FBXO6: variants seen among roughly 807,000 people sequenced by gnomAD.
The protein encoded by FBXO6 is F-box protein 6.
FBXO6 carries 13 observed loss-of-function variants against 25.0 expected under a neutral mutation model. The observed-to-expected ratio is 0.52, with a 90% confidence interval of 0.34 to 0.83. FBXO6 has a LOEUF of 0.83. Among genes scored for constraint, FBXO6 ranks in the 40% least tolerant of loss-of-function variants. FBXO6 has a pLI of 0.02. For synonymous variants in FBXO6, 138 were observed against 155.3 expected, an observed-to-expected ratio of 0.89 and a Z score of 0.83; for missense variants, 370 against 380.2, an observed-to-expected ratio of 0.97 and a Z score of 0.22.
At position 11,673,184 on chromosome 1, in the gene FBXO6, A is replaced by G; in HGVS notation, c.510-93A>G. 6.9e-7 allele frequency: 1 copy of G among 1,444,468 alleles called. No individual in the cohort carries two copies. The highest frequency in any genetic ancestry group is 9.2e-7 in the Non-Finnish European group (1 of 1,083,712). The allele number at this position is 1,444,468 out of a possible 1,614,324, so 89.5% of individuals were successfully genotyped here. ...AGCAGTGTCAGCTGATGGGAGATGA[A>G]GCTCCGAGCTCCAATGTATAGGTCC... On this transcript the variant is annotated intron_variant, in intron 4 of 5. Transcript: ENST00000376753. The surrounding 1 kb of genome is among the most constrained non-coding windows in gnomAD (Gnocchi z 4.3).
intron 1 of FBXO6, among the ~76,000 whole-genome samples, chr1:11,666,040 T>C (rs1272329144): frequency 2.1e-5 from 1 of 47,070 alleles, no homozygotes. Flanking sequence ...CTTTTCTCTT[T>C]TTTTTTTTTT....
Position 11,673,987 on chromosome 1 carries a change from C to A in FBXO6, c.*136C>A. 1 of 737,346 alleles carries A rather than the reference C, an allele frequency of 1.4e-6. No homozygotes were observed. The highest frequency in any genetic ancestry group is 2.3e-6 in the Non-Finnish European group (1 of 427,856). The allele number at this position is 737,346 out of a possible 1,614,324, so 45.7% of individuals were successfully genotyped here. A position where few individuals can be genotyped will look rare whatever the true frequency, so the allele number is the denominator to read the frequency against. On this transcript the variant is annotated 3_prime_UTR_variant, in exon 6 of 6. Coordinates refer to ENST00000376753, the MANE Select transcript of FBXO6 (RefSeq NM_018438.6). This position sits in a 1 kb window ranked among gnomAD's most constrained non-coding sequence, Gnocchi z 4.3. ...ACCAGCTTGTGGTAACTTACTGTCACATAGCTCTGACGTTTTGTTGTAATA... is the reference window on the plus strand; with the variant it reads ...ACCAGCTTGTGGTAACTTACTGTCAAATAGCTCTGACGTTTTGTTGTAATA...
At chr1:11,668,625 G>A (rs376458493) in intron 1 of FBXO6, 31 bp from the exon 2 acceptor site, 1 of 1,598,296 alleles carries the variant, frequency 6.3e-7, no homozygotes, top group South Asian at 1.1e-5. Context: ...CACCTCCCTG[G>A]TCAGGCTCAT....
Position 11,668,954 on chromosome 1 carries a change from G to A in FBXO6, c.286+10G>A. ...AACCCGTGTGCTGAAGGTGGCATGG[G>A]GGCAGGGTGGAGGCTGCCACCAGGC... On this transcript the variant is annotated intron_variant, in intron 2 of 5. Coordinates refer to ENST00000376753, the MANE Select transcript of FBXO6 (RefSeq NM_018438.6). 6.8e-6 allele frequency: 11 copies of A among 1,611,520 alleles called. No homozygotes were observed. Among genetic ancestry groups the A allele is most frequent in the Non-Finnish European group, 9.3e-6 (11 of 1,177,972 alleles).
intron 1 of FBXO6, among the ~76,000 whole-genome samples, chr1:11,666,672 G>A (rs1292796715): frequency 1.3e-5 from 2 of 151,946 alleles, no homozygotes; most frequent in African/African-American, 2.4e-5. Flanking sequence ...TTGAGCCACC[G>A]CACCCGGCCT....
At chr1:11,672,154 C>A in intron 4 of FBXO6, 131 bp downstream of exon 4, 1 of 777,252 alleles carries the variant, frequency 1.3e-6, no homozygotes, top group Non-Finnish European at 2.1e-6. Flanking sequence ...GCCCCGGCCT[C>A]CGCCCCTGCT....
At chr1:11,670,596 G>A (rs553247467) in intron 2 of FBXO6, among the ~76,000 whole-genome samples, 106 of 143,946 alleles carry the variant, frequency 7.4e-4, no homozygotes, top group African/African-American at 2.5e-3. Context: ...GGATGAACAC[G>A]TTAGCCTTTT....
chr1:11,673,617 C>T lies in FBXO6; in HGVS notation c.648C>T (p.Val216=), dbSNP rs200404251. The change falls in exon 6 of 6, where the codon GTC becomes GTT. Residue 216 remains valine, a splice_region_variant and synonymous_variant. Coordinates refer to ENST00000376753, the MANE Select transcript of FBXO6 (RefSeq NM_018438.6). The surrounding 1 kb of genome is among the most constrained non-coding windows in gnomAD (Gnocchi z 4.3). ...TTCCTCTCCCTTCCTCCCAACAGGT[C>T]TCCTACACCTTCTCAGACTACCCCC... ...QQWNNATWTE[V]SYTFSDYPRG... The T allele has an allele frequency of 8.9e-5, 143 of 1,613,686 alleles. No homozygotes were observed. Among genetic ancestry groups the T allele is most frequent in the Non-Finnish European group, 1.2e-4 (137 of 1,179,698 alleles).
At chr1:11,671,454 C>A in intron 3 of FBXO6, 62 bp downstream of exon 3, 1 of 1,581,500 alleles carries the variant, frequency 6.3e-7, no homozygotes, top group South Asian at 1.1e-5. Context: ...ACACCTTTGC[C>A]AAGTCTCAGG....
intron 1 of FBXO6, among the ~76,000 whole-genome samples, chr1:11,665,801 C>T (rs1640417440): frequency 6.6e-6 from 1 of 151,754 alleles, no homozygotes; most frequent in Admixed American, 6.6e-5. Context: ...TCTTGTGATC[C>T]GCCCGCCTCG....
intron 2 of FBXO6, 84 bp downstream of exon 2, chr1:11,669,028 C>A: frequency 6.6e-7 from 1 of 1,508,126 alleles, no homozygotes; most frequent in Non-Finnish European, 9.0e-7. Context: ...CCCACACTAC[C>A]TGGAATATTC....
intron 1 of FBXO6, among the ~76,000 whole-genome samples, chr1:11,665,126 C>G (rs1640375037): frequency 6.6e-6 from 1 of 151,284 alleles, no homozygotes; most frequent in East Asian, 1.9e-4. Context: ...CTCACTGCAG[C>G]CTCGACTTCC....
At chr1:11,669,782 G>T (rs954110022) in intron 2 of FBXO6, among the ~76,000 whole-genome samples, 1 of 147,620 alleles carries the variant, frequency 6.8e-6, no homozygotes, top group African/African-American at 2.5e-5. Flanking sequence ...GATTACAGGC[G>T]CCCACCACCA....
intron 1 of FBXO6, among the ~76,000 whole-genome samples, chr1:11,666,519 T>A (rs1190410085): frequency 6.6e-6 from 1 of 151,890 alleles, no homozygotes; most frequent in Non-Finnish European, 1.5e-5. Context: ...GTAGCTGAGA[T>A]TACAGGTGCA....
intron 4 of FBXO6, among the ~76,000 whole-genome samples, chr1:11,672,785 G>A (rs1372660819): frequency 1.3e-5 from 2 of 152,240 alleles, no homozygotes; most frequent in Non-Finnish European, 2.9e-5. Context: ...CAGGACCCCA[G>A]TTCTAGGCAG....
chr1:11,672,108 T>G lies in FBXO6; in HGVS notation c.509+85T>G, dbSNP rs1044121119. 3.3e-6 allele frequency: 4 copies of G among 1,225,006 alleles called. No individual in the cohort carries two copies. In the East Asian group the frequency reaches 9.7e-5, roughly 30 times the overall value. 75.9% of individuals were successfully genotyped at this position (1,225,006 alleles called of 1,614,324 possible). ...TGTACGTGAGACAACCCATAGCAAG[T>G]GCCCACTCTGCACAGCAGTGCCCTG... On this transcript the variant is annotated intron_variant, in intron 4 of 5. Coordinates refer to ENST00000376753, the MANE Select transcript of FBXO6 (RefSeq NM_018438.6).
In FBXO6 at chr1:11,673,215, G is replaced by A. The variant is rs1328573395; in HGVS notation, c.510-62G>A. 1.3e-6 allele frequency: 2 copies of A among 1,550,806 alleles called. No individual in the cohort carries two copies. Among genetic ancestry groups the A allele is most frequent in the Non-Finnish European group, 8.7e-7 (1 of 1,149,444 alleles). On this transcript the variant is annotated intron_variant, in intron 4 of 5. Coordinates refer to ENST00000376753, the MANE Select transcript of FBXO6 (RefSeq NM_018438.6). This position sits in a 1 kb window ranked among gnomAD's most constrained non-coding sequence, Gnocchi z 4.3. The stretch of plus-strand genomic sequence containing the variant: ...GAGCTCCAATGTATAGGTCCCACCT[G>A]CCCCCACCCCTGGGGCCAGCCCTCG...
intron 2 of FBXO6, among the ~76,000 whole-genome samples, chr1:11,670,835 G>A (rs1322852852): frequency 6.6e-6 from 1 of 152,162 alleles, no homozygotes; most frequent in African/African-American, 2.4e-5. Context: ...ATTTCCCAGA[G>A]TTCCACCGCA....
Position 11,668,813 on chromosome 1 carries a change from C to T in FBXO6, c.155C>T (p.Thr52Ile). ...TGGCGGGACCTCATCGACCTCATGA[C>T]CCTCTGGAAACGCAAGTGCCTGCGA... ...SLWRDLIDLM[T>I]LWKRKCLREG... is the part of the protein sequence containing the mutation. The change falls in exon 2 of 6, where the codon ACC becomes ATC. Residue 52 changes from threonine to isoleucine, a missense_variant. By Grantham distance (89) the Thr-to-Ile change is moderately conservative. Coordinates refer to ENST00000376753, the MANE Select transcript of FBXO6 (RefSeq NM_018438.6). 3 of 1,614,144 alleles carry T rather than the reference C, an allele frequency of 1.9e-6. No homozygotes were observed. Among genetic ancestry groups the T allele is most frequent in the Non-Finnish European group, 2.5e-6 (3 of 1,180,034 alleles).
Sources: gnomAD v4.1 joint callset for allele counts (sites outside exome capture counted in the v4.1 genomes callset) on GRCh38, gnomAD v4.1.1 for gene constraint, Gnocchi (gnomAD v3.1) non-coding constraint, MANE v1.5 for transcripts, NCBI Gene and HGNC (gene_info 2026-07-23, HGNC 2026-07-21) for gene names.